ADAMTS18: variants seen among roughly 807,000 people sequenced by gnomAD.
The protein encoded by ADAMTS18 is A disintegrin and metalloproteinase with thrombospondin motifs 18.
Under a neutral mutation model 165.9 loss-of-function variants are expected in ADAMTS18, and 157 were observed. That is an observed-to-expected ratio of 0.95 (90% confidence interval 0.83 to 1.08). The LOEUF (loss-of-function observed/expected upper bound fraction) is 1.08, where lower values mean the gene tolerates loss of function less well. ADAMTS18 is among the 50% of genes least tolerant of loss of function. The pLI, the probability that ADAMTS18 is intolerant of heterozygous loss-of-function variation, is 0.00. For missense variants in ADAMTS18, 2,040 were observed against 1,534.0 expected, an observed-to-expected ratio of 1.33 and a Z score of -5.51; for synonymous variants, 782 against 578.2, an observed-to-expected ratio of 1.35 and a Z score of -5.06.
intron 22 of ADAMTS18, among the ~76,000 whole-genome samples, chr16:77,284,373 C>G (rs972737749): frequency 2.2e-4 from 33 of 152,236 alleles, no homozygotes; most frequent in Non-Finnish European, 4.3e-4. Context: ...AGTGATCTGC[C>G]TGCTTCGGCC....
At chr16:77,390,462 C>T (rs1443311662) in intron 3 of ADAMTS18, among the ~76,000 whole-genome samples, 2 of 151,982 alleles carry the variant, frequency 1.3e-5, no homozygotes, top group Non-Finnish European at 2.9e-5. Context: ...GAGGCCGAGG[C>T]GGGCAGATCA....
At position 77,282,815 on chromosome 16, in the gene ADAMTS18, A is replaced by C. The variant is rs1182519537; in HGVS notation, c.*1141T>G. 6.6e-6 allele frequency: 1 copy of C among 151,650 alleles called. No individual in the cohort carries two copies. The highest frequency in any genetic ancestry group is 1.5e-5 in the Non-Finnish European group (1 of 67,770). The allele number at this position is 151,650 out of a possible 1,614,324, so 9.4% of individuals were successfully genotyped here. A position where few individuals can be genotyped will look rare whatever the true frequency, so the allele number is the denominator to read the frequency against. On this transcript the variant is annotated 3_prime_UTR_variant, in exon 23 of 23. Coordinates refer to ENST00000282849, the MANE Select transcript of ADAMTS18 (RefSeq NM_199355.4). ...TGACTGAAAATACTCTTATTCAGTG[A>C]GGGTCTTGTCATATTATGATTTATT...
intron 12 of ADAMTS18, among the ~76,000 whole-genome samples, chr16:77,326,660 G>A (rs1217872385): frequency 6.6e-6 from 1 of 152,174 alleles, no homozygotes; most frequent in African/African-American, 2.4e-5. Flanking sequence ...GGGGATTACA[G>A]GTGTGAACCA....
chr16:77,424,578 A>G (rs868845388), intron 3 of ADAMTS18, among the ~76,000 whole-genome samples: 6 of 152,128 alleles, frequency 3.9e-5, no homozygotes, highest in South Asian at 4.1e-4. Flanking sequence ...GCTCTCTGGC[A>G]AGAACCTTGG....
At chr16:77,339,181 C>A (rs1036532199) in intron 11 of ADAMTS18, among the ~76,000 whole-genome samples, 2 of 152,074 alleles carry the variant, frequency 1.3e-5, no homozygotes, top group Non-Finnish European at 2.9e-5. Flanking sequence ...AATTTACAGT[C>A]TAACAAGCAG....
chr16:77,320,992 AG>A (rs1459707498), intron 15 of ADAMTS18, 86 bp downstream of exon 15: 1 of 1,539,964 alleles, frequency 6.5e-7, no homozygotes, highest in African/African-American at 1.4e-5. Flanking sequence ...AACTAGTAAA[AG>A]GCTCAACCAC....
intron 10 of ADAMTS18, among the ~76,000 whole-genome samples, chr16:77,346,879 C>A (rs2056485009): frequency 6.6e-6 from 1 of 152,136 alleles, no homozygotes; most frequent in Non-Finnish European, 1.5e-5. Flanking sequence ...TGCATTTTGG[C>A]AGATATATAC....
intron 10 of ADAMTS18, among the ~76,000 whole-genome samples, chr16:77,345,428 T>G (rs569702256): frequency 1.3e-5 from 2 of 152,182 alleles, no homozygotes; most frequent in Non-Finnish European, 2.9e-5. Flanking sequence ...GATCATGAAA[T>G]CATATTGGCT....
chr16:77,294,314 C>A (rs1367179518), intron 19 of ADAMTS18, among the ~76,000 whole-genome samples: 3 of 152,102 alleles, frequency 2.0e-5, no homozygotes, highest in African/African-American at 7.2e-5. Context: ...TTCACCTCTA[C>A]CCACTAGATG....
chr16:77,363,700 C>T (rs2056749393), intron 6 of ADAMTS18, 102 bp downstream of exon 6: 3 of 1,034,670 alleles, frequency 2.9e-6, no homozygotes, highest in Non-Finnish European at 4.5e-6. Context: ...CAAATTTGAG[C>T]AGCTAACGAC....
At chr16:77,408,404 T>A (rs911173782) in intron 3 of ADAMTS18, among the ~76,000 whole-genome samples, 1 of 151,938 alleles carries the variant, frequency 6.6e-6, no homozygotes, top group Non-Finnish European at 1.5e-5. Context: ...GCAAAAAGAA[T>A]AGTCACAACA....
intron 5 of ADAMTS18, 55 bp from the exon 6 acceptor site, chr16:77,363,940 G>A: frequency 6.6e-7 from 1 of 1,516,164 alleles, no homozygotes; most frequent in Admixed American, 1.7e-5. Flanking sequence ...ACCTTAGGGG[G>A]AATCAATCAG....
intron 3 of ADAMTS18, among the ~76,000 whole-genome samples, chr16:77,369,172 T>C (rs1322664754): frequency 6.6e-6 from 1 of 152,216 alleles, no homozygotes; most frequent in Non-Finnish European, 1.5e-5. Flanking sequence ...GTTTATGGGA[T>C]CCTTTTTATT....
At chr16:77,325,358 TAAGTA>T (rs776728614) in intron 13 of ADAMTS18, among the ~76,000 whole-genome samples, 1 of 152,214 alleles carries the variant, frequency 6.6e-6, no homozygotes, top group Non-Finnish European at 1.5e-5. Flanking sequence ...GCCATAACTT[TAAGTA>T]TAGTAAGTAC....
intron 3 of ADAMTS18, among the ~76,000 whole-genome samples, chr16:77,388,105 C>G (rs1339676282): frequency 2.0e-4 from 30 of 152,156 alleles, no homozygotes; most frequent in Admixed American, 1.9e-3. Flanking sequence ...ACTCAGAAAG[C>G]TTTTCTTCTT....
rs11643211 is a variant in ADAMTS18 at position 77,367,648 on chromosome 16, A to C, written c.571T>G (p.Tyr191Asp). The change falls in exon 4 of 23, where the codon TAC becomes GAC. Residue 191 changes from tyrosine (Y) to aspartate (D), a missense_variant. Tyr to Asp is a radical substitution (Grantham distance 160, BLOSUM62 -3). Transcript: ENST00000282849. Reference sequence around the variant, plus strand: ...GGATGGTGACCCGCAGGGGAGCTGTAGTTGTGTTCCTGGGCCAGAAGCTGA... The same window carrying C: ...GGATGGTGACCCGCAGGGGAGCTGTCGTTGTGTTCCTGGGCCAGAAGCTGA... ...LPQLLAQEHN[Y>D]SSPAGHHPHV... The C allele has an allele frequency of 1.2e-6, 2 of 1,613,884 alleles. No homozygotes were observed. The highest frequency in any genetic ancestry group is 2.2e-5 in the South Asian group (2 of 91,076).
chr16:77,426,815 A>T (rs895546607), intron 3 of ADAMTS18, among the ~76,000 whole-genome samples: 1 of 152,104 alleles, frequency 6.6e-6, no homozygotes, highest in African/African-American at 2.4e-5. Flanking sequence ...TTGAGCCCAG[A>T]AATTTGAGGC....
intron 10 of ADAMTS18, 150 bp downstream of exon 10, chr16:77,353,583 C>T: frequency 2.9e-6 from 3 of 1,025,854 alleles, no homozygotes; most frequent in Non-Finnish European, 4.4e-6. Context: ...AGTAAAATTG[C>T]CACTTAATTA....
At chr16:77,408,355 A>G (rs1463115807) in intron 3 of ADAMTS18, among the ~76,000 whole-genome samples, 1 of 152,164 alleles carries the variant, frequency 6.6e-6, no homozygotes, top group Non-Finnish European at 1.5e-5. Context: ...CTAGATAAAT[A>G]TAGCCAACAG....
Sources: gnomAD v4.1 joint callset for allele counts (sites outside exome capture counted in the v4.1 genomes callset) on GRCh38, gnomAD v4.1.1 for gene constraint, MANE v1.5 for transcripts, NCBI Gene and HGNC (gene_info 2026-07-23, HGNC 2026-07-21) for gene names.